LGMN: variants seen among roughly 807,000 people sequenced by gnomAD.
The protein encoded by LGMN is legumain.
LGMN carries 36 observed loss-of-function variants against 56.8 expected under a neutral mutation model. The observed-to-expected ratio is 0.63, with a 90% confidence interval of 0.49 to 0.84. The LOEUF is 0.84. LGMN is among the 40% of genes least tolerant of loss of function. LGMN has a pLI of 0.00. For missense variants in LGMN, 446 were observed against 556.1 expected (o/e 0.80, Z 1.99); for synonymous variants, 199 against 210.1 (o/e 0.95, Z 0.46).
At chr14:92,733,032 C>T (rs957659103) in intron 1 of LGMN, among the ~76,000 whole-genome samples, 4 of 151,664 alleles carry the variant, frequency 2.6e-5, no homozygotes, top group Non-Finnish European at 5.9e-5. Flanking sequence ...ACCTATAATC[C>T]CAGCTACTCG....
rs1041721946 is a variant in LGMN, at chr14:92,703,962, G to C, written c.*357C>G. ...AAAATCATTCTGAAGATTTAAAGAG[G>C]TTTCAGCTTCAAATTCTCAGAATAA... On this transcript the variant is annotated 3_prime_UTR_variant, in exon 14 of 14. Transcript: ENST00000334869. The C allele has an allele frequency of 6.8e-6, 4 of 590,578 alleles. No homozygotes were observed. The highest frequency in any genetic ancestry group is 1.2e-5 in the Non-Finnish European group (4 of 334,632). 36.6% of individuals were successfully genotyped at this position (590,578 alleles called of 1,614,324 possible). A position where few individuals can be genotyped will look rare whatever the true frequency, so the allele number is the denominator to read the frequency against.
chr14:92,726,281 G>C (rs1890736140), intron 2 of LGMN, among the ~76,000 whole-genome samples: 1 of 151,736 alleles, frequency 6.6e-6, no homozygotes, highest in African/African-American at 2.4e-5. Context: ...TAGCTTGTGA[G>C]AAACAGACTG....
At chr14:92,743,224 C>T (rs2140282994) in intron 1 of LGMN, among the ~76,000 whole-genome samples, 1 of 152,092 alleles carries the variant, frequency 6.6e-6, no homozygotes, top group African/African-American at 2.4e-5. Context: ...AAATCCAGGG[C>T]CGGGCAGTGG....
intron 2 of LGMN, among the ~76,000 whole-genome samples, chr14:92,723,103 G>A (rs1326272194): frequency 6.6e-6 from 1 of 151,648 alleles, no homozygotes; most frequent in African/African-American, 2.4e-5. Context: ...CTGGAGTGCA[G>A]TGGTGCGATC....
At chr14:92,713,979 T>C in intron 6 of LGMN, 94 bp from the exon 7 acceptor site, 1 of 923,492 alleles carries the variant, frequency 1.1e-6, no homozygotes, top group Non-Finnish European at 1.8e-6. Flanking sequence ...TCATAAACTC[T>C]TTTCTACCAA....
At chr14:92,731,710 G>A (rs953985973) in intron 2 of LGMN, among the ~76,000 whole-genome samples, 1 of 152,156 alleles carries the variant, frequency 6.6e-6, no homozygotes, top group Non-Finnish European at 1.5e-5. Context: ...ATGGACATCT[G>A]GCTTGTTTCC....
chr14:92,721,362 G>A (rs1250053200), intron 2 of LGMN, among the ~76,000 whole-genome samples: 2 of 152,136 alleles, frequency 1.3e-5, no homozygotes, highest in Non-Finnish European at 2.9e-5. Context: ...TGGAAAAGAC[G>A]AGAAAGTGGA....
At chr14:92,718,654 C>T (rs1162641211) in intron 3 of LGMN, 93 bp downstream of exon 3, 1 of 743,340 alleles carries the variant, frequency 1.3e-6, no homozygotes, top group South Asian at 1.6e-5. Flanking sequence ...TATATTTTAA[C>T]ATTAGGCCAC....
At chr14:92,715,545 G>A (rs992700382) in intron 5 of LGMN, among the ~76,000 whole-genome samples, 2 of 152,100 alleles carry the variant, frequency 1.3e-5, no homozygotes, top group Admixed American at 1.3e-4. Context: ...GCTTACTTGT[G>A]CCCAGGCCTC....
chr14:92,727,445 A>AC, intron 2 of LGMN, among the ~76,000 whole-genome samples: 1 of 151,206 alleles, frequency 6.6e-6, no homozygotes, highest in Non-Finnish European at 1.5e-5. Context: ...AAAAAAAAAA[A>AC]AAAAAAAGGA....
rs1487137000 is a variant in LGMN, at chr14:92,713,892, G to A, written c.481-7C>T. 3.1e-6 allele frequency: 5 copies of A among 1,606,496 alleles called. No individual in the cohort carries two copies. The highest frequency in any genetic ancestry group is 2.2e-5 in the East Asian group (1 of 44,868). ...TCAGGTCCTTTACATGAAGCTGAAAGGTGAGAATATTGTCAGACCAACACA... is the reference window on the plus strand; with the variant it reads ...TCAGGTCCTTTACATGAAGCTGAAAAGTGAGAATATTGTCAGACCAACACA... On this transcript the variant is annotated splice_region_variant and splice_polypyrimidine_tract_variant and intron_variant, in intron 6 of 13. Coordinates refer to ENST00000334869, the MANE Select transcript of LGMN (RefSeq NM_005606.7).
At position 92,714,238 on chromosome 14, in the gene LGMN, G is replaced by A. The variant is rs542046079; in HGVS notation, c.480+138C>T. 1.9e-5 allele frequency: 12 copies of A among 644,344 alleles called. No individual in the cohort carries two copies. In the East Asian group the frequency reaches 3.2e-4, roughly 17 times the overall value. 39.9% of individuals were successfully genotyped at this position (644,344 alleles called of 1,614,324 possible). A position where few individuals can be genotyped will look rare whatever the true frequency, so the allele number is the denominator to read the frequency against. On this transcript the variant is annotated intron_variant, in intron 6 of 13. Coordinates refer to ENST00000334869, the MANE Select transcript of LGMN (RefSeq NM_005606.7). The surrounding 1 kb of genome is among the most constrained non-coding windows in gnomAD (Gnocchi z 5.1). ...GGATAGATTTCAAGCTGCTAAACCTGTCCCCCACTCCCACCCACCACACGT... is the reference window on the plus strand; with the variant it reads ...GGATAGATTTCAAGCTGCTAAACCTATCCCCCACTCCCACCCACCACACGT...
At chr14:92,743,389 C>T (rs1249398720) in intron 1 of LGMN, among the ~76,000 whole-genome samples, 2 of 151,874 alleles carry the variant, frequency 1.3e-5, no homozygotes, top group African/African-American at 4.8e-5. Context: ...GATAGTCCCA[C>T]CTACTCGGGA....
At position 92,728,297 on chromosome 14, in the gene LGMN, C is replaced by T. The variant is rs551466128; in HGVS notation, c.138+4352G>A. ...GTGCGCAGCCTGGATTCCTCATATA[C>T]GCAGATCACGATAGGGTTCACGCTC... On this transcript the variant is annotated intron_variant, in intron 2 of 13. Coordinates refer to ENST00000334869, the MANE Select transcript of LGMN (RefSeq NM_005606.7). Among the ~76,000 whole-genome samples, 17 of 152,252 alleles carry T rather than the reference C, an allele frequency of 1.1e-4. 1 individual carries two copies. The South Asian group carries it at 2.1e-3, about 19-fold the overall frequency.
At chr14:92,712,577 G>A (rs576395037) in intron 8 of LGMN, 7 of 541,036 alleles carry the variant, frequency 1.3e-5, no homozygotes, top group African/African-American at 9.5e-5. Flanking sequence ...GTAGTTTTAC[G>A]AGAACCTGGA....
intron 1 of LGMN, among the ~76,000 whole-genome samples, chr14:92,742,602 A>T (rs1891611254): frequency 6.6e-6 from 1 of 152,012 alleles, no homozygotes; most frequent in South Asian, 2.1e-4. Context: ...TGCTGTTTTT[A>T]AAAAATACCC....
At chr14:92,726,705 T>C (rs888569555) in intron 2 of LGMN, among the ~76,000 whole-genome samples, 5 of 152,090 alleles carry the variant, frequency 3.3e-5, no homozygotes, top group Admixed American at 2.0e-4. Context: ...CCGGTCTCCT[T>C]CTCCCTCGCT....
chr14:92,708,557 T>C (rs1889563741), intron 11 of LGMN, among the ~76,000 whole-genome samples: 2 of 152,122 alleles, frequency 1.3e-5, no homozygotes. Context: ...AGGGCACCAA[T>C]TTTGGAGATA....
chr14:92,735,826 G>A lies in LGMN; in HGVS notation c.-29-3011C>T, dbSNP rs545233891. On this transcript the variant is annotated intron_variant, in intron 1 of 13. Transcript: ENST00000334869. The stretch of plus-strand genomic sequence containing the variant: ...AGGTTTTTTTTTTTCTTGGAGTAGC[G>A]GCTAGTATGGCACATAACAGATAGG... 3.3e-5 allele frequency among the ~76,000 whole-genome samples: 5 copies of A among 151,716 alleles called. No homozygotes were observed. The South Asian group carries it at 8.3e-4, about 25-fold the overall frequency.
Sources: allele counts gnomAD v4.1 joint callset (sites outside exome capture counted in the v4.1 genomes callset), GRCh38; gene constraint gnomAD v4.1.1; non-coding constraint Gnocchi (gnomAD v3.1); transcripts MANE v1.5; gene names NCBI Gene and HGNC (gene_info 2026-07-23, HGNC 2026-07-21).